Variants in UHRF1 observed in about 807,000 individuals in gnomAD.
The protein encoded by UHRF1 is E3 ubiquitin-protein ligase UHRF1.
UHRF1 carries 9 observed loss-of-function variants against 96.5 expected under a neutral mutation model. That is an observed-to-expected ratio of 0.09 (90% confidence interval 0.06 to 0.16). The LOEUF is 0.16. UHRF1 is among the 10% of genes least tolerant of loss of function. The pLI, the probability that UHRF1 is intolerant of heterozygous loss-of-function variation, is 1.00. For synonymous variants in UHRF1, 455 were observed against 469.9 expected (o/e 0.97, Z 0.41); for missense variants, 626 against 1,131.1 (o/e 0.55, Z 6.40).
chr19:4,947,786 A>T (rs2033613687), intron 11 of UHRF1, among the ~76,000 whole-genome samples: 1 of 151,956 alleles, frequency 6.6e-6, no homozygotes, highest in Admixed American at 6.6e-5. Flanking sequence ...GGCATGAGCC[A>T]CTGCGCCTGG....
At position 4,930,526 on chromosome 19, in the gene UHRF1, G is replaced by A. The variant is rs912552257; in HGVS notation, c.409-190G>A. 2.0e-5 allele frequency among the ~76,000 whole-genome samples: 3 copies of A among 152,214 alleles called. No individual in the cohort carries two copies. The highest frequency in any genetic ancestry group is 4.8e-5 in the African/African-American group (2 of 41,466). On this transcript the variant is annotated intron_variant, in intron 3 of 16. Transcript: ENST00000650932. This position sits in a 1 kb window ranked among gnomAD's most constrained non-coding sequence, Gnocchi z 4.4. Reference sequence around the variant, plus strand: ...AAGACAGTCCATGCCCCCTGGCCCCGCATCCCCGTCACCCCTGCCGGGGCT... The same window carrying A: ...AAGACAGTCCATGCCCCCTGGCCCCACATCCCCGTCACCCCTGCCGGGGCT...
In UHRF1 at chr19:4,926,570, C is replaced by G. The variant is rs181685304; in HGVS notation, c.154-2652C>G. Reference sequence around the variant, plus strand: ...GATCGCTTGCTTGAGCCCCGGAGTTCAAAACCAGCTTGGGCAAAGCAGCAA... The same window carrying G: ...GATCGCTTGCTTGAGCCCCGGAGTTGAAAACCAGCTTGGGCAAAGCAGCAA... On this transcript the variant is annotated intron_variant, in intron 2 of 16. Coordinates refer to ENST00000650932, the MANE Select transcript of UHRF1 (RefSeq NM_001048201.3). 5.0e-4 allele frequency among the ~76,000 whole-genome samples: 76 copies of G among 152,128 alleles called. No individual in the cohort carries two copies. The East Asian group carries it at 0.011, about 22-fold the overall frequency.
At chr19:4,955,291 A>G (rs2033828280) in intron 15 of UHRF1, among the ~76,000 whole-genome samples, 1 of 152,096 alleles carries the variant, frequency 6.6e-6, no homozygotes, top group Admixed American at 6.5e-5. Flanking sequence ...CCAGGGGAGA[A>G]CCAGATTTCT....
At chr19:4,906,402 C>T (rs118108997), upstream of UHRF1, among the ~76,000 whole-genome samples, 61 of 152,306 alleles carry the variant, frequency 4.0e-4, 1 homozygote, top group East Asian at 0.011. Context: ...TCCTCTGTGA[C>T]ACTTAACTTC....
intron 2 of UHRF1, among the ~76,000 whole-genome samples, chr19:4,928,687 G>C (rs2779161): frequency 0.38 from 57,747 of 151,990 alleles, 12,101 homozygotes; most frequent in Admixed American, 0.53. Flanking sequence ...GGGTCTCTCT[G>C]TCTCGACACT....
Position 4,932,896 on chromosome 19 carries a change from A to G in UHRF1, c.725A>G (p.Glu242Gly). The change falls in exon 5 of 17, where the codon GAG (glutamate) becomes GGG (glycine). Residue 242 changes from glutamate to glycine, a missense_variant. Coordinates refer to ENST00000650932, the MANE Select transcript of UHRF1 (RefSeq NM_001048201.3). ...PKERGFWYDA[E>G]ISRKRETRTA... ...GAGCGGGGCTTCTGGTACGACGCGGAGATCTCCAGGAAGCGCGAGACCAGG... is the reference window on the plus strand; with the variant it reads ...GAGCGGGGCTTCTGGTACGACGCGGGGATCTCCAGGAAGCGCGAGACCAGG... 1 of 1,613,776 alleles carries G rather than the reference A, an allele frequency of 6.2e-7. No individual in the cohort carries two copies. The highest frequency in any genetic ancestry group is 8.5e-7 in the Non-Finnish European group (1 of 1,179,866).
At chr19:4,927,587 G>C (rs1362475602) in intron 2 of UHRF1, among the ~76,000 whole-genome samples, 2 of 151,952 alleles carry the variant, frequency 1.3e-5, no homozygotes, top group Non-Finnish European at 2.9e-5. Context: ...TTCTATGTAT[G>C]TCTCTCTCCT....
chr19:4,959,899 C>T lies in UHRF1; in HGVS notation c.2236-758C>T, dbSNP rs143364445. ...TTTGAGACGCAGAGTCTTGCCCTGT[C>T]ACCCAGGCTGGAGTGCAATGGCGTG... On this transcript the variant is annotated intron_variant, in intron 16 of 16. Coordinates refer to ENST00000650932, the MANE Select transcript of UHRF1 (RefSeq NM_001048201.3). Among the ~76,000 whole-genome samples, 1,003 of 152,310 alleles carry T rather than the reference C, an allele frequency of 6.6e-3. 10 individuals are homozygous for T. Among genetic ancestry groups the T allele is most frequent in the African/African-American group, 0.023 (942 of 41,568 alleles).
At chr19:4,907,417 G>A (rs370197135), upstream of UHRF1, among the ~76,000 whole-genome samples, 5 of 151,026 alleles carry the variant, frequency 3.3e-5, no homozygotes, top group African/African-American at 9.7e-5. Flanking sequence ...TACAGGCGCC[G>A]GCCACCACAC....
At chr19:4,911,136 A>C in intron 2 of UHRF1, 98 bp downstream of exon 2, 12 of 1,205,300 alleles carry the variant, frequency 1.0e-5, no homozygotes, top group Non-Finnish European at 1.3e-5. Context: ...TCCCCCCCCA[A>C]CAACCTCGTC....
chr19:4,909,399 C>A, upstream of UHRF1: 1 of 644,388 alleles, frequency 1.6e-6, no homozygotes, highest in South Asian at 1.6e-5. Context: ...TTTCTCGCTT[C>A]CCGCCACTGC....
chr19:4,913,841 C>T (rs1450702971), intron 2 of UHRF1, among the ~76,000 whole-genome samples: 5 of 105,116 alleles, frequency 4.8e-5, no homozygotes, highest in South Asian at 3.3e-4. Context: ...GAGACAGTTT[C>T]GCTCTTATTG....
intron 10 of UHRF1, 75 bp from the exon 11 acceptor site, chr19:4,947,030 G>A (rs2145191492): frequency 2.6e-6 from 3 of 1,163,100 alleles, no homozygotes; most frequent in African/African-American, 1.6e-5. Flanking sequence ...ATCCTGGGGA[G>A]TTTGCTTTCA....
chr19:4,941,085 GTTTT>G (rs869250736), intron 5 of UHRF1, among the ~76,000 whole-genome samples: 44 of 50,084 alleles, frequency 8.8e-4, no homozygotes, highest in Non-Finnish European at 1.4e-3. Context: ...TCTGTGTTTT[GTTTT>G]TTTTTTTTTT....
intron 11 of UHRF1, among the ~76,000 whole-genome samples, chr19:4,947,414 G>A (rs2602735): frequency 0.23 from 33,217 of 146,808 alleles, 4,098 homozygotes; most frequent in African/African-American, 0.34. Context: ...GGTTCCTCCC[G>A]TATGTGTGCC....
chr19:4,910,965 A>T lies in UHRF1; in HGVS notation c.80A>T (p.Glu27Val), dbSNP rs759744052. 1 of 1,613,184 alleles carries T rather than the reference A, an allele frequency of 6.2e-7. No individual in the cohort carries two copies. Among genetic ancestry groups the T allele is most frequent in the South Asian group, 1.1e-5 (1 of 90,978 alleles). Reference sequence around the variant, plus strand: ...CTGTCCAGGCTGACCAAGGTGGAGGAGCTGAGGCGGAAGATCCAGGAGCTG... The same window carrying T: ...CTGTCCAGGCTGACCAAGGTGGAGGTGCTGAGGCGGAAGATCCAGGAGCTG... ...DSLSRLTKVE[E>V]LRRKIQELFH... The change falls in exon 2 of 17, where the codon GAG becomes GTG. Residue 27 changes from glutamate to valine, a missense_variant. By Grantham distance (121) the Glu-to-Val change is moderately radical (BLOSUM62 -2). Around this residue, in one of 11 missense-constraint regions of UHRF1, gnomAD observed 32 missense variants for 46.8 expected, o/e 0.68. Coordinates refer to ENST00000650932, the MANE Select transcript of UHRF1 (RefSeq NM_001048201.3).
chr19:4,926,130 G>C (rs1306217830), intron 2 of UHRF1, among the ~76,000 whole-genome samples: 7 of 151,718 alleles, frequency 4.6e-5, no homozygotes, highest in South Asian at 4.2e-4. Context: ...TCCTGACCTC[G>C]TGATCTGCCT....
In UHRF1 at chr19:4,954,801, C is replaced by T; in HGVS notation, c.2109C>T (p.Asp703=). Residue 703 remains aspartate (D), a synonymous_variant, in exon 15 of 17, where the codon GAC becomes GAT. Coordinates refer to ENST00000650932, the MANE Select transcript of UHRF1 (RefSeq NM_001048201.3). The surrounding 1 kb of genome is among the most constrained non-coding windows in gnomAD (Gnocchi z 5.9). Reference sequence around the variant, plus strand: ...ATGAGGTCCTGGCGTCACTCAAGGACCGGCCGGCGAGCGGCAGCCCGGTAG... The same window carrying T: ...ATGAGGTCCTGGCGTCACTCAAGGATCGGCCGGCGAGCGGCAGCCCGGTAG... ...LWNEVLASLK[D]RPASGSPFQL... 1 of 1,613,730 alleles carries T rather than the reference C, an allele frequency of 6.2e-7. No individual in the cohort carries two copies.
intron 1 of UHRF1, chr19:4,910,313 G>A (rs1449233810): frequency 6.7e-6 from 1 of 150,286 alleles, no homozygotes; most frequent in African/African-American, 2.4e-5. Flanking sequence ...TGGCCACCGC[G>A]GGGCGGGCCC....
Sources: gnomAD v4.1 joint callset for allele counts (sites outside exome capture counted in the v4.1 genomes callset) on GRCh38, gnomAD v4.1.1 for gene constraint, gnomAD v4.1.1 regional missense constraint, Gnocchi (gnomAD v3.1) non-coding constraint, MANE v1.5 for transcripts, NCBI Gene and HGNC (gene_info 2026-07-23, HGNC 2026-07-21) for gene names.